The following WASF2 variants were observed in gnomAD, a reference collection of about 807,000 sequenced individuals.
WASF2 encodes actin-binding protein WASF2.
A neutral mutation model predicts 45.0 loss-of-function variants in WASF2; 14 were observed. The observed-to-expected ratio is 0.31, with a 90% CI of 0.21 to 0.49. The LOEUF (loss-of-function observed/expected upper bound fraction) is 0.49. Among genes scored for constraint, WASF2 ranks in the 20% least tolerant of loss-of-function variants. The pLI is 0.99. For missense variants in WASF2, 439 were observed against 636.1 expected (o/e 0.69, Z 3.33); for synonymous variants, 200 against 236.3 (o/e 0.85, Z 1.41).
intron 1 of WASF2, among the ~76,000 whole-genome samples, chr1:27,483,184 A>AACAG (rs2017875735): frequency 6.6e-6 from 1 of 152,172 alleles, no homozygotes; most frequent in African/African-American, 2.4e-5. Context: ...AAAATACAAA[A>AACAG]TTAGGCCGGG....
chr1:27,423,209 T>A (rs902655971), intron 2 of WASF2, among the ~76,000 whole-genome samples: 7 of 152,016 alleles, frequency 4.6e-5, no homozygotes, highest in South Asian at 2.1e-4. Flanking sequence ...TTTTTTTTTT[T>A]ATTTTTTAGA....
At position 27,405,809 on chromosome 1, in the gene WASF2, C is replaced by A. The variant is rs2016665135; in HGVS notation, c.*2380G>T. ...GCTCTCCGGGACTTGCAGATCATTA[C>A]CAAACCAACTGTAGGATGAGAACAT... is the stretch of plus-strand genomic sequence containing the variant. On this transcript the variant is annotated 3_prime_UTR_variant, in exon 9 of 9. Coordinates refer to ENST00000618852, the MANE Select transcript of WASF2 (RefSeq NM_006990.5). 1 of 152,354 alleles carries A rather than the reference C, an allele frequency of 6.6e-6. No individual in the cohort carries two copies. The highest frequency in any genetic ancestry group is 6.6e-5 in the Admixed American group (1 of 15,260). The allele number at this position is 152,354 out of a possible 1,614,324, so 9.4% of individuals were successfully genotyped here. A position where few individuals can be genotyped will look rare whatever the true frequency, so the allele number is the denominator to read the frequency against.
intron 1 of WASF2, among the ~76,000 whole-genome samples, chr1:27,478,134 C>T (rs1368893057): frequency 6.7e-6 from 1 of 150,162 alleles, no homozygotes; most frequent in African/African-American, 2.5e-5. Flanking sequence ...TGCTTGAACC[C>T]GGGAGGCAGA....
intron 1 of WASF2, 137 bp from the exon 2 acceptor site, chr1:27,429,070 T>G: frequency 1.3e-6 from 1 of 757,464 alleles, no homozygotes; most frequent in Non-Finnish European, 2.0e-6. Flanking sequence ...ATTCTCCCTA[T>G]CTTTTTTTTT....
At chr1:27,470,231 A>C (rs372629087) in intron 1 of WASF2, among the ~76,000 whole-genome samples, 1 of 152,244 alleles carries the variant, frequency 6.6e-6, no homozygotes, top group Non-Finnish European at 1.5e-5. Context: ...CAGAATCTTA[A>C]ATATCAGGCT....
chr1:27,487,608 T>C lies in WASF2; in HGVS notation c.-44+2378A>G, dbSNP rs1480715852. ...TATATATTTTATATAATATATAATA[T>C]ATATTATATATATTTTATACAATAT... On this transcript the variant is annotated intron_variant, in intron 1 of 8. Transcript: ENST00000618852. Among the ~76,000 whole-genome samples the C allele has an allele frequency of 2.1e-4, 21 of 100,396 alleles. No homozygotes were observed. The East Asian group carries it at 3.3e-3, about 16-fold the overall frequency. The allele number at this position is 100,396 out of a possible 152,430, so 65.9% of individuals were successfully genotyped here. A position where few individuals can be genotyped will look rare whatever the true frequency, so the allele number is the denominator to read the frequency against.
At chr1:27,489,210 A>G (rs1046119473) in intron 1 of WASF2, among the ~76,000 whole-genome samples, 1 of 151,632 alleles carries the variant, frequency 6.6e-6, no homozygotes, top group African/African-American at 2.4e-5. Context: ...CAGCCCCTTT[A>G]GACAACTCTC....
intron 1 of WASF2, among the ~76,000 whole-genome samples, chr1:27,459,748 T>G (rs1301384997): frequency 6.6e-6 from 1 of 152,224 alleles, no homozygotes; most frequent in East Asian, 1.9e-4. Flanking sequence ...GAAGGCTATC[T>G]GATATAAATT....
chr1:27,480,676 A>G (rs1571167399), intron 1 of WASF2, among the ~76,000 whole-genome samples: 2 of 152,294 alleles, frequency 1.3e-5, no homozygotes, highest in Admixed American at 6.5e-5. Flanking sequence ...TACTATGTCA[A>G]TTACAAAGCT....
intron 1 of WASF2, among the ~76,000 whole-genome samples, chr1:27,473,496 T>G (rs2017722701): frequency 6.6e-6 from 1 of 151,244 alleles, no homozygotes; most frequent in African/African-American, 2.4e-5. Flanking sequence ...AAAGTTACAT[T>G]GTTAATCATG....
intron 1 of WASF2, among the ~76,000 whole-genome samples, chr1:27,467,202 T>C (rs1478950153): frequency 3.1e-5 from 4 of 128,820 alleles, no homozygotes; most frequent in Non-Finnish European, 6.3e-5. Flanking sequence ...GGTGTCAGAG[T>C]GAGACCTTGT....
intron 1 of WASF2, among the ~76,000 whole-genome samples, chr1:27,460,961 ACT>A (rs2017535987): frequency 6.6e-6 from 1 of 152,034 alleles, no homozygotes; most frequent in South Asian, 2.1e-4. Flanking sequence ...ACACAGTGAA[ACT>A]CTGAAATCCC....
chr1:27,418,523 T>C, intron 3 of WASF2, 101 bp from the exon 4 acceptor site: 1 of 1,512,294 alleles, frequency 6.6e-7, no homozygotes, highest in Non-Finnish European at 9.0e-7. Flanking sequence ...ACTTCTTGGC[T>C]GTGGCTGTCC....
At chr1:27,444,691 A>G (rs1387666406) in intron 1 of WASF2, among the ~76,000 whole-genome samples, 1 of 152,224 alleles carries the variant, frequency 6.6e-6, no homozygotes, top group African/African-American at 2.4e-5. Flanking sequence ...ATACTGAAAA[A>G]GATGGATGGC....
chr1:27,433,845 A>T (rs2017098056), intron 1 of WASF2, among the ~76,000 whole-genome samples: 1 of 152,252 alleles, frequency 6.6e-6, no homozygotes. Flanking sequence ...CCAGTGAAGG[A>T]AAACAAAGAG....
At chr1:27,486,970 ATT>A (rs1330946935) in intron 1 of WASF2, among the ~76,000 whole-genome samples, 9 of 147,930 alleles carry the variant, frequency 6.1e-5, no homozygotes, top group Admixed American at 2.7e-4. Context: ...GATGATATAT[ATT>A]ATATATAATC....
At chr1:27,484,811 C>CAAAAAAAAAAA (rs58153446) in intron 1 of WASF2, among the ~76,000 whole-genome samples, 4 of 124,602 alleles carry the variant, frequency 3.2e-5, no homozygotes, top group African/African-American at 9.9e-5. Context: ...GACTCTGTCT[C>CAAAAAAAAAAA]AAAAAAAAAA....
chr1:27,415,285 G>A (rs1198704536), intron 5 of WASF2, among the ~76,000 whole-genome samples: 3 of 152,190 alleles, frequency 2.0e-5, no homozygotes, highest in African/African-American at 7.2e-5. Flanking sequence ...TATTTGCTCA[G>A]CCCCAAAGGT....
intron 8 of WASF2, among the ~76,000 whole-genome samples, chr1:27,409,214 G>C (rs1327440180): frequency 6.6e-6 from 1 of 151,720 alleles, no homozygotes. Context: ...CACAAGGTCA[G>C]GAGATCAAGA....
Sources: allele counts gnomAD v4.1 joint callset (sites outside exome capture counted in the v4.1 genomes callset), GRCh38; gene constraint gnomAD v4.1.1; transcripts MANE v1.5; gene names NCBI Gene and HGNC (gene_info 2026-07-23, HGNC 2026-07-21).